The following TVP23C variants were observed in gnomAD, a reference collection of about 807,000 sequenced individuals.
TVP23C encodes Golgi apparatus membrane protein TVP23 homolog C.
TVP23C carries 19 observed loss-of-function variants against 28.7 expected under a neutral mutation model. The observed-to-expected ratio is 0.66, with a 90% CI of 0.46 to 0.97. The LOEUF (loss-of-function observed/expected upper bound fraction) is 0.97, where lower values mean the gene tolerates loss of function less well. TVP23C is among the 50% of genes least tolerant of loss of function. The probability of loss-of-function intolerance (pLI) is 0.00; values close to 1 mark genes in which losing one functional copy is unlikely to be tolerated. For synonymous variants in TVP23C, 68 were observed against 81.7 expected, an observed-to-expected ratio of 0.83 and a Z score of 0.90; for missense variants, 186 against 241.3, an observed-to-expected ratio of 0.77 and a Z score of 1.52.
intron 5 of TVP23C, among the ~76,000 whole-genome samples, chr17:15,524,566 G>C (rs1982637824): frequency 6.6e-6 from 1 of 152,218 alleles, no homozygotes. Flanking sequence ...GCCATTCTCT[G>C]ATGAGGAAGG....
intron 5 of TVP23C, among the ~76,000 whole-genome samples, chr17:15,517,223 G>GGA (rs1982268296): frequency 6.6e-6 from 1 of 152,116 alleles, no homozygotes; most frequent in African/African-American, 2.4e-5. Context: ...CTGTGGCTTG[G>GGA]GACTATGTCC....
chr17:15,516,868 G>A (rs892560213), intron 5 of TVP23C, among the ~76,000 whole-genome samples: 1 of 152,164 alleles, frequency 6.6e-6, no homozygotes, highest in Non-Finnish European at 1.5e-5. Context: ...TTGGCTACAA[G>A]AGACTAGAAG....
In TVP23C at chr17:15,563,292, A is replaced by G; in HGVS notation, c.12+145T>C. 4 of 1,443,076 alleles carry G rather than the reference A, an allele frequency of 2.8e-6. No individual in the cohort carries two copies. The South Asian group carries it at 5.4e-5, about 20-fold the overall frequency. 89.4% of individuals were successfully genotyped at this position (1,443,076 alleles called of 1,614,324 possible). A position where few individuals can be genotyped will look rare whatever the true frequency, so the allele number is the denominator to read the frequency against. ...AACCCCCAGCAGCCCTCCTCAGACA[A>G]CTACCCACAGCCCTCCACTCCCGGC... On this transcript the variant is annotated intron_variant, in intron 1 of 5. Coordinates refer to ENST00000518321, the MANE Select transcript of TVP23C (RefSeq NM_001135036.2).
intron 5 of TVP23C, among the ~76,000 whole-genome samples, chr17:15,529,614 CT>C (rs1179602585): frequency 6.6e-6 from 1 of 152,132 alleles, no homozygotes; most frequent in African/African-American, 2.4e-5. Flanking sequence ...TTCTTTGTCC[CT>C]TGAAACAGTT....
intron 5 of TVP23C, among the ~76,000 whole-genome samples, chr17:15,527,393 T>C (rs1407239666): frequency 6.6e-6 from 1 of 152,080 alleles, no homozygotes; most frequent in Non-Finnish European, 1.5e-5. Context: ...TTCCTATAAT[T>C]GACTGTTTTG....
downstream of TVP23C, among the ~76,000 whole-genome samples, chr17:15,532,203 C>T (rs1982976948): frequency 6.6e-6 from 1 of 152,190 alleles, no homozygotes; most frequent in African/African-American, 2.4e-5. Context: ...TTTGTCCCAA[C>T]TAGTATAGCC....
chr17:15,502,476 A>C, exon 6 of TVP23C: 2 of 185,924 alleles, frequency 1.1e-5, no homozygotes, highest in Non-Finnish European at 2.2e-5. Flanking sequence ...CCTAGGAGGG[A>C]CCGTGGTGCC....
chr17:15,508,833 G>A (rs184776597), intron 5 of TVP23C, among the ~76,000 whole-genome samples: 1 of 152,312 alleles, frequency 6.6e-6, no homozygotes, highest in Admixed American at 6.5e-5. Context: ...CTAACGTGAA[G>A]AGCAACTTCA....
At chr17:15,508,773 T>C (rs1467158583) in intron 5 of TVP23C, among the ~76,000 whole-genome samples, 1 of 152,212 alleles carries the variant, frequency 6.6e-6, no homozygotes, top group African/African-American at 2.4e-5. Context: ...TGGATCTACT[T>C]CTTGGTCTTG....
downstream of TVP23C, among the ~76,000 whole-genome samples, chr17:15,533,252 G>C (rs575371374): frequency 9.2e-5 from 14 of 152,146 alleles, no homozygotes; most frequent in Non-Finnish European, 2.1e-4. Context: ...AGCAACTTAC[G>C]GTAATGTGTA....
At chr17:15,512,366 T>C (rs1387258986) in intron 5 of TVP23C, among the ~76,000 whole-genome samples, 1 of 152,204 alleles carries the variant, frequency 6.6e-6, no homozygotes, top group Admixed American at 6.5e-5. Context: ...TCTAAAGTCC[T>C]TCTGGCAAGA....
At chr17:15,548,549 T>C (rs1364775831) in intron 3 of TVP23C, among the ~76,000 whole-genome samples, 1 of 152,194 alleles carries the variant, frequency 6.6e-6, no homozygotes, top group African/African-American at 2.4e-5. Context: ...ACTATGAACA[T>C]AGGTAAAATT....
chr17:15,551,265 A>ATTTTTT (rs1258749974), intron 3 of TVP23C, among the ~76,000 whole-genome samples: 1 of 115,354 alleles, frequency 8.7e-6, no homozygotes, highest in Admixed American at 9.2e-5. Flanking sequence ...TGCCCGGCTC[A>ATTTTTT]TTTTTTTTTT....
intron 3 of TVP23C, among the ~76,000 whole-genome samples, chr17:15,551,343 T>A (rs1983880400): frequency 6.6e-6 from 1 of 150,764 alleles, no homozygotes; most frequent in Admixed American, 6.6e-5. Flanking sequence ...CCTGACCTCA[T>A]GATCCACCCG....
chr17:15,515,536 GATTTTCATGCTGAAAAAGT>G, intron 5 of TVP23C, among the ~76,000 whole-genome samples: 1 of 152,250 alleles, frequency 6.6e-6, no homozygotes, highest in Non-Finnish European at 1.5e-5. Context: ...CACGAGATAC[GATTTTCATGCTGAAAAAGT>G]ACTTTGGATT....
At chr17:15,529,831 C>T (rs1597521239) in intron 5 of TVP23C, among the ~76,000 whole-genome samples, 1 of 151,974 alleles carries the variant, frequency 6.6e-6, no homozygotes. Flanking sequence ...GATGGAGTCT[C>T]GCTGTCACCC....
Position 15,537,727 on chromosome 17 carries a change from A to G in TVP23C, c.*2685T>C, listed in dbSNP as rs1285936944. On this transcript the variant is annotated 3_prime_UTR_variant, in exon 6 of 6. Coordinates refer to ENST00000518321, the MANE Select transcript of TVP23C (RefSeq NM_001135036.2). ...CCTGAAAACAATCTACAGAAATAAT[A>G]TGTAAACATATAGAGCTTTGAGACA... The G allele has an allele frequency of 2.0e-6, 2 of 996,406 alleles. No homozygotes were observed. Among genetic ancestry groups the G allele is most frequent in the East Asian group, 1.0e-4 (1 of 9,762 alleles). The allele number at this position is 996,406 out of a possible 1,614,324, so 61.7% of individuals were successfully genotyped here. A position where few individuals can be genotyped will look rare whatever the true frequency, so the allele number is the denominator to read the frequency against.
chr17:15,526,546 A>T (rs186647549), intron 5 of TVP23C, among the ~76,000 whole-genome samples: 230 of 152,308 alleles, frequency 1.5e-3, no homozygotes, highest in African/African-American at 4.6e-3. Context: ...TTATTTATTC[A>T]GCATCTATTC....
Position 15,539,152 on chromosome 17 carries a change from C to G in TVP23C, c.*1260G>C, listed in dbSNP as rs1195933298. On this transcript the variant is annotated 3_prime_UTR_variant, in exon 6 of 6. Transcript: ENST00000518321. ...TGGGAGAAATGCAAATTATGAGACTCCACCCCCAGATCTACTGAATAAGGA... is the reference window on the plus strand; with the variant it reads ...TGGGAGAAATGCAAATTATGAGACTGCACCCCCAGATCTACTGAATAAGGA... 2 of 946,620 alleles carry G rather than the reference C, an allele frequency of 2.1e-6. No individual in the cohort carries two copies. Among genetic ancestry groups the G allele is most frequent in the African/African-American group, 3.6e-5 (2 of 56,294 alleles). The allele number at this position is 946,620 out of a possible 1,614,324, so 58.6% of individuals were successfully genotyped here.
Sources: allele counts gnomAD v4.1 joint callset (sites outside exome capture counted in the v4.1 genomes callset), GRCh38; gene constraint gnomAD v4.1.1; transcripts MANE v1.5; gene names NCBI Gene and HGNC (gene_info 2026-07-23, HGNC 2026-07-21).